The following ACSL6 variants were observed in gnomAD, a reference collection of about 807,000 sequenced individuals.
ACSL6 encodes long-chain-fatty-acid--CoA ligase 6.
Under a neutral mutation model 98.2 loss-of-function variants are expected in ACSL6, and 47 were observed. The observed-to-expected ratio is 0.48, with a 90% CI of 0.38 to 0.61. The LOEUF (loss-of-function observed/expected upper bound fraction) is 0.61, where lower values mean the gene tolerates loss of function less well. Ranked by LOEUF, ACSL6 falls within the 20% of genes least tolerant of loss-of-function variation. The pLI is 0.00. For synonymous variants in ACSL6, 362 were observed against 336.9 expected (o/e 1.07, Z -0.82); for missense variants, 761 against 913.4 (o/e 0.83, Z 2.15).
chr5:132,006,984 G>A (rs1303920089), intron 1 of ACSL6: 1 of 152,172 alleles, frequency 6.6e-6, no homozygotes, highest in Non-Finnish European at 1.5e-5. Flanking sequence ...ATTGACTTGT[G>A]GTAAGGAAAC....
intron 1 of ACSL6, among the ~76,000 whole-genome samples, chr5:131,999,947 G>C (rs929232814): frequency 6.6e-6 from 1 of 152,154 alleles, no homozygotes; most frequent in African/African-American, 2.4e-5. Flanking sequence ...TTGAGACAAT[G>C]ATTAGGGCCA....
At chr5:132,006,444 G>A (rs1490589727) in intron 1 of ACSL6, 1 of 152,254 alleles carries the variant, frequency 6.6e-6, no homozygotes, top group African/African-American at 2.4e-5. Flanking sequence ...CATCCTGAAG[G>A]ACAACCCCAA....
In ACSL6 at chr5:131,988,837, C is replaced by T; in HGVS notation, c.620G>A (p.Gly207Asp). 1 of 1,613,828 alleles carries T rather than the reference C, an allele frequency of 6.2e-7. No individual in the cohort carries two copies. Among genetic ancestry groups the T allele is most frequent in the Non-Finnish European group, 8.5e-7 (1 of 1,179,954 alleles). The part of the protein sequence containing the change: ...MVVVPLYDTL[G>D]PGAIRYIINT... ...GATGATGTAGCGGATAGCCCCAGGGCCCAGGGTGTCATAGAGCGGGACCAC... is the reference window on the plus strand; with the variant it reads ...GATGATGTAGCGGATAGCCCCAGGGTCCAGGGTGTCATAGAGCGGGACCAC... The change falls in exon 6 of 21, where the codon GGC (glycine) becomes GAC (aspartate). Residue 207 changes from glycine to aspartate, a missense_variant. Coordinates refer to ENST00000651883, the MANE Select transcript of ACSL6 (RefSeq NM_001009185.3).
Position 131,976,698 on chromosome 5 carries a change from T to C in ACSL6, c.940A>G (p.Thr314Ala), listed in dbSNP as rs1428447041. The C allele has an allele frequency of 2.5e-6, 4 of 1,614,150 alleles. No individual in the cohort carries two copies. ...AAATCAGCCACCACGTTCCCATGGG[T>C]GAGCATCGCACCTTTTGGGTTCCCT... Reference protein sequence around the residue: ...TTGNPKGAMLTHGNVVADFSG... With the variant: ...TTGNPKGAMLAHGNVVADFSG... The change falls in exon 10 of 21, where the codon ACC becomes GCC. Residue 314 changes from threonine to alanine, a missense_variant. Coordinates refer to ENST00000651883, the MANE Select transcript of ACSL6 (RefSeq NM_001009185.3).
At chr5:131,973,452 C>T (rs757399933) in intron 11 of ACSL6, 52 bp from the exon 12 acceptor site, 28 of 1,589,626 alleles carry the variant, frequency 1.8e-5, no homozygotes, top group African/African-American at 1.1e-4. Flanking sequence ...TCACTACTGG[C>T]GATAGTCCAA....
intron 20 of ACSL6, among the ~76,000 whole-genome samples, chr5:131,959,007 A>G (rs1268877008): frequency 6.6e-6 from 1 of 152,074 alleles, no homozygotes; most frequent in African/African-American, 2.4e-5. Context: ...TATGAGCTCA[A>G]TTACAGTAAG....
rs1287943381 is a variant in ACSL6 at position 131,962,583 on chromosome 5, G to T, written c.1809C>A (p.Ile603=). The change falls in exon 18 of 21, where the codon ATC becomes ATA. Residue 603 remains isoleucine, a synonymous_variant. Coordinates refer to ENST00000651883, the MANE Select transcript of ACSL6 (RefSeq NM_001009185.3). The part of the protein sequence containing the change: ...VAPEKIENIY[I]RSQPVAQIYV... ...AGATTTGCGCCACAGGTTGGCTCCG[G>T]ATGTAGATGTTCTCAATCTTCTCGG... 1 of 1,614,068 alleles carries T rather than the reference G, an allele frequency of 6.2e-7. No individual in the cohort carries two copies.
chr5:131,970,246 A>C (rs1421889888), intron 14 of ACSL6, 46 bp from the exon 15 acceptor site: 1 of 1,582,826 alleles, frequency 6.3e-7, no homozygotes, highest in Admixed American at 1.7e-5. Context: ...ACACCCTCCA[A>C]GAGCTAACTG....
intron 17 of ACSL6, among the ~76,000 whole-genome samples, chr5:131,963,144 C>G (rs1337836487): frequency 6.6e-6 from 1 of 152,192 alleles, no homozygotes; most frequent in Non-Finnish European, 1.5e-5. Flanking sequence ...AGAGCAGCCT[C>G]TGCATCCCCT....
At chr5:131,975,841 C>T (rs1753586336) in intron 10 of ACSL6, 1 of 985,390 alleles carries the variant, frequency 1.0e-6, no homozygotes, top group Non-Finnish European at 1.2e-6. Context: ...CTCTCCTGTG[C>T]TGGCTTTTGG....
At chr5:131,986,601 G>T (rs77937) in intron 8 of ACSL6, among the ~76,000 whole-genome samples, 92,919 of 152,136 alleles carry the variant, frequency 0.61, 33,319 homozygotes, top group Non-Finnish European at 0.81. Context: ...AGGATTGGCA[G>T]CTCTTTTTTC....
At chr5:131,956,745 A>C (rs1396816158) in intron 20 of ACSL6, among the ~76,000 whole-genome samples, 1 of 152,170 alleles carries the variant, frequency 6.6e-6, no homozygotes, top group Non-Finnish European at 1.5e-5. Flanking sequence ...ATTTTTTATA[A>C]TAATTATTTT....
At chr5:132,004,824 C>T (rs911496820) in intron 1 of ACSL6, among the ~76,000 whole-genome samples, 2 of 152,126 alleles carry the variant, frequency 1.3e-5, no homozygotes, top group Non-Finnish European at 2.9e-5. Context: ...CAGACCTAGG[C>T]TTAGGGGAGT....
intron 2 of ACSL6, 192 bp downstream of exon 2, chr5:131,993,839 G>A: frequency 1.6e-6 from 1 of 608,052 alleles, no homozygotes; most frequent in Non-Finnish European, 2.9e-6. Flanking sequence ...GGCAGTTCCT[G>A]GGAGAGGCAG....
Position 131,962,535 on chromosome 5 carries a change from C to G in ACSL6, c.1857G>C (p.Lys619Asn). 1 of 1,613,864 alleles carries G rather than the reference C, an allele frequency of 6.2e-7. No individual in the cohort carries two copies. The highest frequency in any genetic ancestry group is 8.5e-7 in the Non-Finnish European group (1 of 1,179,836). The change falls in exon 18 of 21, where the codon AAG (lysine) becomes AAC (asparagine). Residue 619 changes from lysine to asparagine, a missense_variant and splice_region_variant. Coordinates refer to ENST00000651883, the MANE Select transcript of ACSL6 (RefSeq NM_001009185.3). ...GAGGGCTGAAGCCTAGAGGCCTCAC[C>G]TTTAAGCTGTCCCCATGGACATAGA... ...AQIYVHGDSL[K>N]AFLVGIVVPD... is the part of the protein sequence containing the mutation.
chr5:131,997,950 G>GTCCC (rs1754877213), intron 1 of ACSL6, among the ~76,000 whole-genome samples: 1 of 152,230 alleles, frequency 6.6e-6, no homozygotes, highest in African/African-American at 2.4e-5. Flanking sequence ...GTCCCCTGAG[G>GTCCC]ACATGGGCCT....
intron 12 of ACSL6, among the ~76,000 whole-genome samples, 159 bp from the exon 13 acceptor site, chr5:131,973,017 A>G (rs1291634586): frequency 6.6e-6 from 1 of 152,184 alleles, no homozygotes; most frequent in East Asian, 1.9e-4. Context: ...GAAGGTTAAC[A>G]CTGCCAGGGT....
intron 12 of ACSL6, 37 bp downstream of exon 12, chr5:131,973,229 C>T (rs372440931): frequency 6.2e-7 from 1 of 1,602,502 alleles, no homozygotes; most frequent in Non-Finnish European, 8.5e-7. Context: ...AAATATGCAG[C>T]CCCTCAGCCT....
At position 131,980,477 on chromosome 5, in the gene ACSL6, G is replaced by A. The variant is rs372193355; in HGVS notation, c.917-3756C>T. Among the ~76,000 whole-genome samples, 6 of 152,232 alleles carry A rather than the reference G, an allele frequency of 3.9e-5. No individual in the cohort carries two copies. In the East Asian group the frequency reaches 7.7e-4, roughly 20 times the overall value. ...GAACCAAATAGCACAAAACGAATAG[G>A]TCATGGTGAACATTTTCCCCAGAAA... On this transcript the variant is annotated intron_variant, in intron 9 of 20. Transcript: ENST00000651883.
Sources: gnomAD v4.1 joint callset for allele counts (sites outside exome capture counted in the v4.1 genomes callset) on GRCh38, gnomAD v4.1.1 for gene constraint, MANE v1.5 for transcripts, NCBI Gene and HGNC (gene_info 2026-07-23, HGNC 2026-07-21) for gene names.